Variants in ATL1 observed in about 807,000 individuals in gnomAD.
The protein encoded by ATL1 is atlastin-1.
Under a neutral mutation model 75.5 loss-of-function variants are expected in ATL1, and 31 were observed. The ratio of observed to expected loss-of-function variants is 0.41; its 90% CI spans 0.31 to 0.55. The LOEUF (loss-of-function observed/expected upper bound fraction) is 0.55, where lower values mean the gene tolerates loss of function less well. Among genes scored for constraint, ATL1 ranks in the 20% least tolerant of loss-of-function variants. The pLI is 0.27. For missense variants in ATL1, 405 were observed against 662.6 expected, an observed-to-expected ratio of 0.61 and a Z score of 4.27; for synonymous variants, 226 against 233.3, an observed-to-expected ratio of 0.97 and a Z score of 0.28.
At chr14:50,617,666 A>G (rs917531906) in intron 8 of ATL1, among the ~76,000 whole-genome samples, 1 of 152,226 alleles carries the variant, frequency 6.6e-6, no homozygotes, top group Non-Finnish European at 1.5e-5. Context: ...CCAAGCCCCT[A>G]AAGTCCTTGG....
At chr14:50,621,799 T>C (rs753092464) in intron 9 of ATL1, 44 bp from the exon 10 acceptor site, 7 of 1,208,082 alleles carry the variant, frequency 5.8e-6, no homozygotes, top group South Asian at 2.5e-5. Flanking sequence ...AGAGGAAATA[T>C]TGAATGGAAT....
Position 50,613,277 on chromosome 14 carries a change from C to T in ATL1, c.649C>T (p.Arg217Ter), listed in dbSNP as rs1159790126. 1.9e-6 allele frequency: 3 copies of T among 1,612,840 alleles called. No homozygotes were observed. Among genetic ancestry groups the T allele is most frequent in the South Asian group, 1.1e-5 (1 of 91,044 alleles). Residue 217 changes from arginine (R) to a stop codon, truncating the protein, a stop_gained, in exon 7 of 14, where the codon CGA becomes TGA. Coordinates refer to ENST00000358385, the MANE Select transcript of ATL1 (RefSeq NM_015915.5). LOFTEE classifies it high-confidence loss of function. The part of the protein sequence containing the change: ...KPFQSLIFLV[R>*]DWSFPYEFSY... ...TTTTTAGAGTCTGATATTTCTTGTT[C>T]GAGACTGGAGTTTCCCATACGAATT...
At chr14:50,632,131 C>A in intron 13 of ATL1, 98 bp from the exon 14 acceptor site, 1 of 690,280 alleles carries the variant, frequency 1.4e-6, no homozygotes, top group Non-Finnish European at 2.4e-6. Flanking sequence ...TCAAATTCAA[C>A]ATGCTAAATT....
chr14:50,590,816 C>T (rs1467128018), intron 2 of ATL1, 125 bp from the exon 3 acceptor site: 3 of 940,510 alleles, frequency 3.2e-6, no homozygotes, highest in East Asian at 2.5e-5. Context: ...GGTATCAATG[C>T]AATAGATGTG....
intron 6 of ATL1, among the ~76,000 whole-genome samples, chr14:50,607,485 A>C (rs1399442869): frequency 6.6e-6 from 1 of 151,930 alleles, no homozygotes; most frequent in Non-Finnish European, 1.5e-5. Flanking sequence ...GAAAACAGTA[A>C]GTTTTCTGGA....
upstream of ATL1, among the ~76,000 whole-genome samples, chr14:50,558,182 T>C (rs1021993588): frequency 5.9e-5 from 9 of 152,138 alleles, no homozygotes; most frequent in South Asian, 1.2e-3. Flanking sequence ...CTGGGCAACA[T>C]GGAGAAACCC....
chr14:50,629,413 C>T (rs552859362), intron 12 of ATL1, among the ~76,000 whole-genome samples: 18 of 152,110 alleles, frequency 1.2e-4, no homozygotes, highest in Admixed American at 8.5e-4. Flanking sequence ...GAAACCCCGT[C>T]TCTACTAAAA....
chr14:50,560,425 G>A, intron 1 of ATL1, 126 bp downstream of exon 1: 1 of 1,268,048 alleles, frequency 7.9e-7, no homozygotes, highest in Non-Finnish European at 1.1e-6. Flanking sequence ...GAGACGGGCC[G>A]TAGCCGAGCC....
intron 1 of ATL1, among the ~76,000 whole-genome samples, chr14:50,546,990 C>T (rs1015025335): frequency 6.6e-5 from 10 of 152,080 alleles, no homozygotes; most frequent in Non-Finnish European, 1.2e-4. Flanking sequence ...CTCCCCTAGC[C>T]CCCCACCCCC....
rs2291672 is a variant in ATL1, at chr14:50,593,734, A to G, written c.523-112A>G. On this transcript the variant is annotated intron_variant, in intron 4 of 13. Transcript: ENST00000358385. Reference sequence around the variant, plus strand: ...TTACAAATATCATGTAAGCATGTACATAAGAGAGTCCATTTTGTGGTAACT... The same window carrying G: ...TTACAAATATCATGTAAGCATGTACGTAAGAGAGTCCATTTTGTGGTAACT... The G allele has an allele frequency of 0.76, 531,272 of 702,488 alleles. 202,716 individuals carry two copies. The highest frequency in any genetic ancestry group is 0.93 in the African/African-American group (52,878 of 56,762). 43.5% of individuals were successfully genotyped at this position (702,488 alleles called of 1,614,324 possible).
chr14:50,538,957 C>T (rs1595563856), intron 1 of ATL1, among the ~76,000 whole-genome samples: 1 of 152,180 alleles, frequency 6.6e-6, no homozygotes, highest in Non-Finnish European at 1.5e-5. Context: ...GTAGCTGGGA[C>T]TATGGGTGCG....
intron 1 of ATL1, among the ~76,000 whole-genome samples, chr14:50,536,216 G>A (rs889028264): frequency 6.6e-6 from 1 of 152,184 alleles, no homozygotes. Context: ...AGGCCAAGGT[G>A]GGCGGATCAT....
At chr14:50,586,906 G>A (rs1330258455) in intron 1 of ATL1, among the ~76,000 whole-genome samples, 6 of 151,938 alleles carry the variant, frequency 3.9e-5, no homozygotes, top group Admixed American at 3.9e-4. Flanking sequence ...ATACCGTACT[G>A]GAACATTACA....
chr14:50,568,868 A>T (rs891043098), intron 1 of ATL1, among the ~76,000 whole-genome samples: 1 of 151,954 alleles, frequency 6.6e-6, no homozygotes, highest in African/African-American at 2.4e-5. Context: ...TGTGGTTACC[A>T]TGGAGATTAC....
intron 1 of ATL1, among the ~76,000 whole-genome samples, chr14:50,549,283 G>A (rs1461686247): frequency 1.3e-5 from 2 of 152,196 alleles, no homozygotes; most frequent in Non-Finnish European, 2.9e-5. Context: ...TAACCATATA[G>A]GTACATCATA....
chr14:50,626,557 A>G (rs192546020), intron 11 of ATL1, among the ~76,000 whole-genome samples: 93 of 152,334 alleles, frequency 6.1e-4, no homozygotes, highest in Admixed American at 2.0e-3. Flanking sequence ...GTTTCTGGAG[A>G]TGGAATCTAC....
chr14:50,612,178 C>G (rs576631337), intron 6 of ATL1, among the ~76,000 whole-genome samples: 1 of 152,254 alleles, frequency 6.6e-6, no homozygotes, highest in Admixed American at 6.5e-5. Flanking sequence ...TATGATTCCA[C>G]TTACGCAAAT....
rs145204580 is a variant in ATL1 at position 50,590,964 on chromosome 14, C to A, written c.306C>A (p.Asp102Glu). 8.6e-5 allele frequency: 138 copies of A among 1,613,834 alleles called. No individual in the cohort carries two copies. The East Asian group carries it at 2.3e-3, about 27-fold the overall frequency. The change falls in exon 3 of 14, where the codon GAC (aspartate) becomes GAA (glutamate). Residue 102 changes from aspartate to glutamate, a missense_variant. Transcript: ENST00000358385. Reference protein sequence around the residue: ...YNQESVDWVGDYNEPLTGFSW... With the variant: ...YNQESVDWVGEYNEPLTGFSW... ...AGGAATCAGTTGATTGGGTTGGAGA[C>A]TACAATGAACCATTGACTGGTTTTT...
intron 6 of ATL1, among the ~76,000 whole-genome samples, chr14:50,603,495 A>G (rs1212972593): frequency 6.6e-6 from 1 of 152,062 alleles, no homozygotes; most frequent in Non-Finnish European, 1.5e-5. Context: ...GGGGAAGCAT[A>G]TAATAATACT....
Sources: gnomAD v4.1 joint callset for allele counts (sites outside exome capture counted in the v4.1 genomes callset) on GRCh38, gnomAD v4.1.1 for gene constraint, MANE v1.5 for transcripts, NCBI Gene and HGNC (gene_info 2026-07-23, HGNC 2026-07-21) for gene names.